MGST1: variants seen among roughly 807,000 people sequenced by gnomAD.
MGST1 encodes microsomal glutathione S-transferase 1.
Under a neutral mutation model 8.9 loss-of-function variants are expected in MGST1, and 5 were observed. The observed-to-expected ratio is 0.56, with a 90% CI of 0.29 to 1.19. The LOEUF (loss-of-function observed/expected upper bound fraction) is 1.19, where lower values mean the gene tolerates loss of function less well. Among genes scored for constraint, MGST1 ranks in the 50% most tolerant of loss-of-function variants. MGST1 has a pLI of 0.08. For missense variants in MGST1, 182 were observed against 187.4 expected, an observed-to-expected ratio of 0.97 and a Z score of 0.17; for synonymous variants, 54 against 67.8, an observed-to-expected ratio of 0.80 and a Z score of 1.00.
chr12:16,418,463 A>G (rs910272944), intron 1 of MGST1, among the ~76,000 whole-genome samples: 4 of 152,186 alleles, frequency 2.6e-5, no homozygotes, highest in African/African-American at 9.7e-5. Context: ...TCAGCAGAAG[A>G]TTTGGGTTTA....
downstream of MGST1, among the ~76,000 whole-genome samples, chr12:16,593,202 G>A (rs1222103593): frequency 1.3e-5 from 2 of 151,810 alleles, no homozygotes; most frequent in Admixed American, 6.6e-5. The surrounding 1 kb of genome is among the most constrained non-coding windows in gnomAD (Gnocchi z 4.2). Flanking sequence ...CACTGCATTA[G>A]TGATAACAAT....
intron 4 of MGST1, among the ~76,000 whole-genome samples, chr12:16,476,440 T>G (rs1439024895): frequency 2.0e-5 from 3 of 152,190 alleles, no homozygotes; most frequent in Non-Finnish European, 4.4e-5. Flanking sequence ...TACTGCAACC[T>G]TCTCTCAGCA....
At position 16,401,749 on chromosome 12, in the gene MGST1, C is replaced by T. The variant is rs992664706; in HGVS notation, n.778+18145C>T. ...CCAGCAAGGTATTTTTTCTCTTCAACGGCCTTTTCCACAGACTCAGCCAGT... is the reference window on the plus strand; with the variant it reads ...CCAGCAAGGTATTTTTTCTCTTCAATGGCCTTTTCCACAGACTCAGCCAGT... On this transcript the variant is annotated intron_variant and non_coding_transcript_variant, in intron 1 of 1. Transcript: ENST00000359720. This position sits in a 1 kb window ranked among gnomAD's most constrained non-coding sequence, Gnocchi z 4.3. 118 of 1,599,110 alleles carry T rather than the reference C, an allele frequency of 7.4e-5. 1 individual carries two copies. The African/African-American group carries it at 9.9e-4, about 13-fold the overall frequency.
chr12:16,580,384 A>AT (rs1222071169), intron 4 of MGST1, among the ~76,000 whole-genome samples: 3 of 152,220 alleles, frequency 2.0e-5, no homozygotes, highest in Non-Finnish European at 2.9e-5. Context: ...TAGGTGAAAA[A>AT]TTTTAGAGGA....
chr12:16,464,742 GTAA>G (rs1434955626), intron 4 of MGST1, among the ~76,000 whole-genome samples: 1 of 152,210 alleles, frequency 6.6e-6, no homozygotes, highest in African/African-American at 2.4e-5. Flanking sequence ...GAGGTTTTAG[GTAA>G]TAATTCTGAT....
intron 4 of MGST1, among the ~76,000 whole-genome samples, chr12:16,572,436 AAAAC>A (rs1167532656): frequency 2.7e-5 from 4 of 149,526 alleles, no homozygotes; most frequent in Non-Finnish European, 5.9e-5. Flanking sequence ...TATTAAAAAA[AAAAC>A]AGAGCTACTA....
intron 4 of MGST1, among the ~76,000 whole-genome samples, chr12:16,558,224 T>A (rs1410109298): frequency 4.6e-5 from 7 of 152,082 alleles, no homozygotes; most frequent in Non-Finnish European, 1.0e-4. Context: ...CATAGGAACA[T>A]GTATGGCTGG....
At chr12:16,392,534 A>C (rs1156511811) in intron 1 of MGST1, among the ~76,000 whole-genome samples, 1 of 152,192 alleles carries the variant, frequency 6.6e-6, no homozygotes, top group Non-Finnish European at 1.5e-5. Flanking sequence ...TTTTTCTCCC[A>C]GTATGTACAT....
chr12:16,484,253 C>T (rs1027774619), intron 4 of MGST1, among the ~76,000 whole-genome samples: 1 of 152,142 alleles, frequency 6.6e-6, no homozygotes, highest in South Asian at 2.1e-4. Flanking sequence ...GCAGAAATAA[C>T]ATGGTTCAGG....
downstream of MGST1, among the ~76,000 whole-genome samples, chr12:16,381,439 C>A (rs1340460155): frequency 1.3e-5 from 2 of 152,130 alleles, no homozygotes; most frequent in African/African-American, 4.8e-5. Context: ...GTTGAAAATT[C>A]TTTTCTTTAA....
At chr12:16,394,566 CTTTCTTTCT>C (rs1565446456) in intron 1 of MGST1, among the ~76,000 whole-genome samples, 11,865 of 74,762 alleles carry the variant, frequency 0.16, 912 homozygotes, top group Admixed American at 0.2. Flanking sequence ...TTCTTTCTTT[CTTTCTTTCT>C]TCTCTCTGTC....
intron 4 of MGST1, among the ~76,000 whole-genome samples, chr12:16,462,525 A>G (rs40064): frequency 1 from 151,390 of 152,042 alleles, 75,372 homozygotes; most frequent in Middle Eastern, 1. Flanking sequence ...ATTAATATTA[A>G]GGTTCATTAA....
In MGST1 at chr12:16,583,046, CAAA is replaced by C. The variant is rs55665813; in HGVS notation, n.483-6464_483-6462del. The stretch of plus-strand genomic sequence containing the variant: ...TGGGTGACAGTGCGAGACTCCGCCT[CAAA>C]AAAAAAAAAAAAAAAAATCTAAACT... On this transcript the variant is annotated intron_variant and non_coding_transcript_variant, in intron 4 of 4. Transcript: ENST00000538857. 7.8e-3 allele frequency among the ~76,000 whole-genome samples: 989 copies of C among 126,676 alleles called. 12 individuals carry two copies. Among genetic ancestry groups the C allele is most frequent in the African/African-American group, 0.025 (841 of 33,014 alleles). The allele number at this position is 126,676 out of a possible 152,430, so 83.1% of individuals were successfully genotyped here.
intron 4 of MGST1, among the ~76,000 whole-genome samples, chr12:16,530,320 A>T (rs149519647): frequency 6.6e-6 from 1 of 152,158 alleles, no homozygotes; most frequent in East Asian, 1.9e-4. Context: ...TTGTTTTTTT[A>T]AAATGTCAAG....
chr12:16,580,664 A>G (rs1379044944), intron 4 of MGST1, among the ~76,000 whole-genome samples: 1 of 152,198 alleles, frequency 6.6e-6, no homozygotes, highest in African/African-American at 2.4e-5. Flanking sequence ...TACAATCTCA[A>G]TTTGATAAAA....
rs181548761 is a variant in MGST1, at chr12:16,500,077, C to T, written n.483-89451C>T. 1.3e-4 allele frequency among the ~76,000 whole-genome samples: 20 copies of T among 152,202 alleles called. No individual in the cohort carries two copies. Among genetic ancestry groups the T allele is most frequent in the Admixed American group, 1.2e-3 (18 of 15,264 alleles). On this transcript the variant is annotated intron_variant and non_coding_transcript_variant, in intron 4 of 4. Transcript: ENST00000538857. This position sits in a 1 kb window ranked among gnomAD's most constrained non-coding sequence, Gnocchi z 4.3. ...GGATAGTTTCATAAGTATGTTTAAACTTTAGATATTTGTCAACAATTAATT... is the reference window on the plus strand; with the variant it reads ...GGATAGTTTCATAAGTATGTTTAAATTTTAGATATTTGTCAACAATTAATT...
At chr12:16,429,297 A>G in intron 1 of MGST1, among the ~76,000 whole-genome samples, 1 of 152,150 alleles carries the variant, frequency 6.6e-6, no homozygotes, top group East Asian at 1.9e-4. Context: ...ACTGATGCTG[A>G]GCAGTTTGAA....
chr12:16,546,111 C>T lies in MGST1; in HGVS notation n.483-43417C>T, dbSNP rs1941822267. ...CATGCGTGTGCAGAACTACCTGATA[C>T]ATGGCAATTGTTTGGTAAATATTCG... On this transcript the variant is annotated intron_variant and non_coding_transcript_variant, in intron 4 of 4. Transcript: ENST00000538857. This position sits in a 1 kb window ranked among gnomAD's most constrained non-coding sequence, Gnocchi z 4.7. Among the ~76,000 whole-genome samples, 1 of 152,054 alleles carries T rather than the reference C, an allele frequency of 6.6e-6. No homozygotes were observed. Among genetic ancestry groups the T allele is most frequent in the South Asian group, 2.1e-4 (1 of 4,826 alleles).
Position 16,523,723 on chromosome 12 carries a change from G to A in MGST1, n.483-65805G>A, listed in dbSNP as rs116522136. 4.7e-3 allele frequency among the ~76,000 whole-genome samples: 713 copies of A among 152,162 alleles called. 9 individuals carry two copies. The highest frequency in any genetic ancestry group is 0.016 in the African/African-American group (682 of 41,550). On this transcript the variant is annotated intron_variant and non_coding_transcript_variant, in intron 4 of 4. Transcript: ENST00000538857. ...AATTATCTGTAGGCGTTGTTGTAAA[G>A]AAGATGAGTAATCAAGACTGGAAAC...
Sources: allele counts gnomAD v4.1 joint callset (sites outside exome capture counted in the v4.1 genomes callset), GRCh38; gene constraint gnomAD v4.1.1; non-coding constraint Gnocchi (gnomAD v3.1); transcripts MANE v1.5; gene names NCBI Gene and HGNC (gene_info 2026-07-23, HGNC 2026-07-21).